The following GRM5 variants were observed in gnomAD, a reference collection of about 807,000 sequenced individuals.
GRM5 encodes metabotropic glutamate receptor 5.
GRM5 carries 19 observed loss-of-function variants against 83.1 expected under a neutral mutation model. The observed-to-expected ratio is 0.23, with a 90% CI of 0.16 to 0.34. The LOEUF (loss-of-function observed/expected upper bound fraction) is 0.34, where lower values mean the gene tolerates loss of function less well. GRM5 is among the 10% of genes least tolerant of loss of function. The pLI is 1.00. For synonymous variants in GRM5, 675 were observed against 633.6 expected (o/e 1.07, Z -0.98); for missense variants, 1,160 against 1,588.3 (o/e 0.73, Z 4.58).
intron 2 of GRM5, among the ~76,000 whole-genome samples, chr11:89,015,285 C>G (rs1159252385): frequency 1.3e-5 from 2 of 152,136 alleles, no homozygotes; most frequent in Non-Finnish European, 2.9e-5. Context: ...TACCAGATCA[C>G]ACAATTTAAA....
chr11:88,561,217 A>G (rs1942746694), intron 8 of GRM5, among the ~76,000 whole-genome samples: 1 of 152,200 alleles, frequency 6.6e-6, no homozygotes, highest in African/African-American at 2.4e-5. Context: ...AATTCGGCCA[A>G]TGAATGTGGG....
chr11:88,688,598 G>A (rs946584996), intron 3 of GRM5, among the ~76,000 whole-genome samples: 2 of 152,010 alleles, frequency 1.3e-5, no homozygotes, highest in African/African-American at 4.8e-5. Flanking sequence ...AGAGAGATCT[G>A]GCTAGAAATT....
intron 3 of GRM5, among the ~76,000 whole-genome samples, chr11:88,797,860 TCCTC>T (rs1179333581): frequency 7.2e-5 from 11 of 151,986 alleles, no homozygotes; most frequent in African/African-American, 2.2e-4. Context: ...CTTGATCTCT[TCCTC>T]TCTCTCTCTT....
intron 3 of GRM5, among the ~76,000 whole-genome samples, chr11:88,829,505 A>T (rs1943949545): frequency 6.6e-6 from 1 of 152,204 alleles, no homozygotes. Flanking sequence ...GCTACAAAAG[A>T]AAGATAAATA....
intron 2 of GRM5, among the ~76,000 whole-genome samples, chr11:88,877,018 A>G (rs1200597939): frequency 6.6e-6 from 1 of 152,044 alleles, no homozygotes; most frequent in East Asian, 1.9e-4. Context: ...TAACAAGTTG[A>G]GCTCATTGAA....
At chr11:88,734,143 A>T (rs1941861911) in intron 3 of GRM5, among the ~76,000 whole-genome samples, 1 of 151,982 alleles carries the variant, frequency 6.6e-6, no homozygotes, top group Admixed American at 6.6e-5. Context: ...GAATTCCTGC[A>T]ATTCAGTAGC....
At chr11:88,887,714 C>A (rs1284419832) in intron 2 of GRM5, among the ~76,000 whole-genome samples, 3 of 152,144 alleles carry the variant, frequency 2.0e-5, no homozygotes, top group African/African-American at 4.8e-5. Context: ...TTTGTCATTT[C>A]TCTTTCTAGA....
At chr11:88,929,894 C>G (rs1937648796) in intron 2 of GRM5, among the ~76,000 whole-genome samples, 1 of 151,970 alleles carries the variant, frequency 6.6e-6, no homozygotes, top group Non-Finnish European at 1.5e-5. Context: ...TTAAGCACAC[C>G]AAGGATTCTA....
chr11:88,910,679 G>A (rs1565288149), intron 2 of GRM5, among the ~76,000 whole-genome samples: 1 of 152,012 alleles, frequency 6.6e-6, no homozygotes. Flanking sequence ...AGACAAAGAG[G>A]AATATCCTAT....
rs1250226972 is a variant in GRM5 at position 88,687,579 on chromosome 11, A to ATATATTAT, written c.912-34177_912-34176insATAATATA. On this transcript the variant is annotated intron_variant, in intron 3 of 9. Coordinates refer to ENST00000305447, the MANE Select transcript of GRM5 (RefSeq NM_001143831.3). ...ATATATATTATATATATATATATAT[A>ATATATTAT]ATATATATATATATATATTCTCCAC... Among the ~76,000 whole-genome samples the ATATATTAT allele has an allele frequency of 3.8e-3, 178 of 46,834 alleles. 23 individuals carry two copies. Among genetic ancestry groups the ATATATTAT allele is most frequent in the Middle Eastern group, 7.7e-3 (1 of 130 alleles). 30.7% of individuals were successfully genotyped at this position (46,834 alleles called of 152,430 possible).
intron 5 of GRM5, among the ~76,000 whole-genome samples, chr11:88,598,046 G>A (rs1038532027): frequency 6.6e-6 from 1 of 152,046 alleles, no homozygotes; most frequent in Non-Finnish European, 1.5e-5. Flanking sequence ...TTATAAGTAA[G>A]CTCATTTCTA....
At chr11:88,576,943 T>C (rs1943124173) in intron 7 of GRM5, among the ~76,000 whole-genome samples, 1 of 152,138 alleles carries the variant, frequency 6.6e-6, no homozygotes, top group South Asian at 2.1e-4. Flanking sequence ...GTCAGACTCA[T>C]AAAATTGCTT....
intron 2 of GRM5, among the ~76,000 whole-genome samples, chr11:88,969,855 C>T (rs1939114154): frequency 6.6e-6 from 1 of 152,064 alleles, no homozygotes; most frequent in South Asian, 2.1e-4. Context: ...TGTCTTCATA[C>T]ATTTTGAGTT....
At chr11:88,632,151 A>G (rs1335583639) in intron 4 of GRM5, among the ~76,000 whole-genome samples, 2 of 150,620 alleles carry the variant, frequency 1.3e-5, no homozygotes, top group Non-Finnish European at 1.5e-5. Context: ...ATCACTCCCC[A>G]TTCCCATCCC....
chr11:88,623,191 T>G (rs954141199), intron 4 of GRM5, among the ~76,000 whole-genome samples: 4 of 152,208 alleles, frequency 2.6e-5, no homozygotes, highest in African/African-American at 9.6e-5. Context: ...GTTCAAGCGA[T>G]TCTCCTGCCT....
intron 2 of GRM5, among the ~76,000 whole-genome samples, chr11:88,949,272 C>T (rs1938378652): frequency 6.6e-6 from 1 of 152,192 alleles, no homozygotes; most frequent in African/African-American, 2.4e-5. Context: ...TATTGTTGTG[C>T]TCTTCTACTT....
intron 2 of GRM5, among the ~76,000 whole-genome samples, chr11:89,019,809 A>G (rs1052889275): frequency 1.3e-5 from 2 of 152,228 alleles, no homozygotes; most frequent in African/African-American, 4.8e-5. Flanking sequence ...AGTTTCTGCT[A>G]TAAAACAGGA....
At chr11:88,951,097 C>T (rs1467021880) in intron 2 of GRM5, among the ~76,000 whole-genome samples, 1 of 150,164 alleles carries the variant, frequency 6.7e-6, no homozygotes, top group Non-Finnish European at 1.5e-5. Flanking sequence ...GTGTGTGTAT[C>T]TGTGTGTGAC....
At chr11:88,811,806 C>A (rs1248897887) in intron 3 of GRM5, among the ~76,000 whole-genome samples, 1 of 151,922 alleles carries the variant, frequency 6.6e-6, no homozygotes, top group African/African-American at 2.4e-5. Flanking sequence ...CACCCTGCCC[C>A]TTCCAGATCC....
Sources: gnomAD v4.1 joint callset for allele counts (sites outside exome capture counted in the v4.1 genomes callset) on GRCh38, gnomAD v4.1.1 for gene constraint, MANE v1.5 for transcripts, NCBI Gene and HGNC (gene_info 2026-07-23, HGNC 2026-07-21) for gene names.